MECOM: variants seen among roughly 807,000 people sequenced by gnomAD.
MECOM encodes histone-lysine N-methyltransferase MECOM.
Under a neutral mutation model 116.3 loss-of-function variants are expected in MECOM, and 13 were observed. The observed-to-expected ratio is 0.11, with a 90% confidence interval of 0.07 to 0.18. The LOEUF (loss-of-function observed/expected upper bound fraction) is 0.18. MECOM is among the 10% of genes least tolerant of loss of function. The probability of loss-of-function intolerance (pLI) is 1.00; values close to 1 mark genes in which losing one functional copy is unlikely to be tolerated. For synonymous variants in MECOM, 528 were observed against 535.2 expected, an observed-to-expected ratio of 0.99 and a Z score of 0.19; for missense variants, 1,299 against 1,509.0, an observed-to-expected ratio of 0.86 and a Z score of 2.31.
intron 2 of MECOM, among the ~76,000 whole-genome samples, chr3:169,286,487 T>G (rs1193629531): frequency 6.6e-6 from 1 of 152,196 alleles, no homozygotes; most frequent in Non-Finnish European, 1.5e-5. Flanking sequence ...CAGCATGTAC[T>G]AATGGTTGGT....
chr3:169,314,615 A>G, intron 2 of MECOM, among the ~76,000 whole-genome samples: 1 of 152,358 alleles, frequency 6.6e-6, no homozygotes, highest in East Asian at 1.9e-4. Flanking sequence ...GGACAATAAA[A>G]GATGCCCAAG....
chr3:169,658,779 A>T (rs1490411689), intron 1 of MECOM, among the ~76,000 whole-genome samples: 1 of 152,186 alleles, frequency 6.6e-6, no homozygotes, highest in Non-Finnish European at 1.5e-5. Context: ...CCTTGGGAAC[A>T]GGGAAAAAGC....
At chr3:169,219,438 C>T (rs1053120889) in intron 2 of MECOM, among the ~76,000 whole-genome samples, 1 of 152,098 alleles carries the variant, frequency 6.6e-6, no homozygotes, top group Non-Finnish European at 1.5e-5. Flanking sequence ...ACCTGGGAGG[C>T]GGAGCTTGCA....
At position 169,633,841 on chromosome 3, in the gene MECOM, G is replaced by A. The variant is rs535868831; in HGVS notation, c.37+29495C>T. 4.6e-5 allele frequency among the ~76,000 whole-genome samples: 7 copies of A among 151,250 alleles called. No homozygotes were observed. The South Asian group carries it at 1.3e-3, about 27-fold the overall frequency. On this transcript the variant is annotated intron_variant, in intron 1 of 16. Coordinates refer to ENST00000651503, the MANE Select transcript of MECOM (RefSeq NM_004991.4). ...CAAGCAAAGGGTGAAGTGTCAGGGA[G>A]GAAACAAAGTAAGACAGAAAAAGGA...
chr3:169,556,774 A>G (rs1344617015), intron 1 of MECOM, among the ~76,000 whole-genome samples: 1 of 152,190 alleles, frequency 6.6e-6, no homozygotes, highest in Non-Finnish European at 1.5e-5. Context: ...GCTTCTGTGA[A>G]TGAGCTTGGA....
chr3:169,105,932 G>T (rs187955710), intron 10 of MECOM, among the ~76,000 whole-genome samples: 1 of 152,074 alleles, frequency 6.6e-6, no homozygotes, highest in Non-Finnish European at 1.5e-5. Flanking sequence ...ATTATCAACT[G>T]GGTCCTAAGC....
intron 1 of MECOM, among the ~76,000 whole-genome samples, chr3:169,446,208 C>T (rs964380115): frequency 2.6e-5 from 4 of 152,052 alleles, no homozygotes; most frequent in Non-Finnish European, 4.4e-5. Context: ...TTGGCTGTGT[C>T]CCCACCCAAC....
At chr3:169,599,616 T>C (rs1396314561) in intron 1 of MECOM, among the ~76,000 whole-genome samples, 1 of 152,040 alleles carries the variant, frequency 6.6e-6, no homozygotes, top group Non-Finnish European at 1.5e-5. Flanking sequence ...TGGTTCCCAA[T>C]ATAAGCTTTG....
At chr3:169,121,869 G>C (rs1210163239) in intron 6 of MECOM, among the ~76,000 whole-genome samples, 1 of 151,098 alleles carries the variant, frequency 6.6e-6, no homozygotes, top group African/African-American at 2.4e-5. Flanking sequence ...CAGTAACCTG[G>C]TGGGGTACAG....
At chr3:169,138,972 G>A (rs745964235) in intron 3 of MECOM, among the ~76,000 whole-genome samples, 23 of 152,182 alleles carry the variant, frequency 1.5e-4, no homozygotes, top group Non-Finnish European at 2.8e-4. Context: ...GAGAGCGAAC[G>A]CGGGGTGCCA....
intron 2 of MECOM, among the ~76,000 whole-genome samples, chr3:169,352,523 T>TGCAAG (rs1217865746): frequency 6.6e-6 from 1 of 151,916 alleles, no homozygotes; most frequent in African/African-American, 2.4e-5. Flanking sequence ...ATTTTTTTTC[T>TGCAAG]GAAACTTGTT....
Position 169,195,071 on chromosome 3 carries a change from A to T in MECOM, c.376-51239T>A, listed in dbSNP as rs138797296. ...GTTTCCACATCTACATAATAAGAAC[A>T]GTCATACCTGCTCTATTTGCATGAA... On this transcript the variant is annotated intron_variant, in intron 2 of 16. Transcript: ENST00000651503. 2.9e-3 allele frequency among the ~76,000 whole-genome samples: 438 copies of T among 152,226 alleles called. 5 individuals are homozygous for T. The highest frequency in any genetic ancestry group is 0.01 in the African/African-American group (420 of 41,554).
At chr3:169,579,777 C>T (rs762691293) in intron 1 of MECOM, among the ~76,000 whole-genome samples, 8 of 152,144 alleles carry the variant, frequency 5.3e-5, no homozygotes, top group Admixed American at 1.3e-4. Context: ...CACCTATACA[C>T]GGGTTAAGGT....
intron 1 of MECOM, among the ~76,000 whole-genome samples, chr3:169,433,558 GAGGAAGGAAGGA>G (rs140793511): frequency 6.9e-6 from 1 of 145,948 alleles, no homozygotes; most frequent in Non-Finnish European, 1.5e-5. Context: ...AAGAAAGAAA[GAGGAAGGAAGGA>G]AGGAAGGAAA....
At chr3:169,196,155 C>T (rs1486288849) in intron 2 of MECOM, among the ~76,000 whole-genome samples, 2 of 151,914 alleles carry the variant, frequency 1.3e-5, no homozygotes, top group South Asian at 2.1e-4. Context: ...AGCTTATCAG[C>T]GTGTGCATTC....
At chr3:169,633,331 C>T (rs1227404133) in intron 1 of MECOM, among the ~76,000 whole-genome samples, 1 of 152,182 alleles carries the variant, frequency 6.6e-6, no homozygotes, top group African/African-American at 2.4e-5. Context: ...CTCAGGAAGT[C>T]AGCAATGATA....
intron 2 of MECOM, among the ~76,000 whole-genome samples, chr3:169,265,960 C>T (rs759903240): frequency 6.6e-6 from 1 of 152,084 alleles, no homozygotes; most frequent in African/African-American, 2.4e-5. Flanking sequence ...AGGCTTCTAG[C>T]ATTATTGCTT....
At chr3:169,388,109 C>T (rs1733667301) in intron 1 of MECOM, among the ~76,000 whole-genome samples, 1 of 151,956 alleles carries the variant, frequency 6.6e-6, no homozygotes, top group Non-Finnish European at 1.5e-5. Context: ...AGGAGAACAG[C>T]TCGGCCAAAC....
chr3:169,361,014 A>G (rs1321761320), intron 2 of MECOM, among the ~76,000 whole-genome samples: 1 of 151,808 alleles, frequency 6.6e-6, no homozygotes, highest in African/African-American at 2.4e-5. Flanking sequence ...ACAAGACACA[A>G]GAGTGCTGGG....
Sources: gnomAD v4.1 joint callset for allele counts (sites outside exome capture counted in the v4.1 genomes callset) on GRCh38, gnomAD v4.1.1 for gene constraint, MANE v1.5 for transcripts, NCBI Gene and HGNC (gene_info 2026-07-23, HGNC 2026-07-21) for gene names.